Variants in P2RY14 observed in about 807,000 individuals in gnomAD.
The protein encoded by P2RY14 is purinergic receptor P2Y14.
In P2RY14, 2 loss-of-function variants were observed where a neutral mutation model predicts 0.9. The observed-to-expected ratio is 2.16, with a 90% CI of 0.88 to 6.79. P2RY14 has a LOEUF of 6.79. Ranked by LOEUF, P2RY14 falls within the 30% of genes most tolerant of loss-of-function variation. P2RY14 has a pLI of 0.05. For synonymous variants in P2RY14, 158 were observed against 147.2 expected (o/e 1.07, Z -0.53); for missense variants, 378 against 400.1 (o/e 0.94, Z 0.47).
rs182884078 is a variant in P2RY14 at position 151,213,495 on chromosome 3, C to T, written c.822G>A (p.Arg274=). The change falls in exon 3 of 3, where the codon CGG becomes CGA. Residue 274 remains arginine (R), a synonymous_variant. Coordinates refer to ENST00000309170, the MANE Select transcript of P2RY14 (RefSeq NM_014879.4). ...HYSCQSKEIL[R]YMKEFTLLLS... is the part of the protein sequence containing the mutation. The stretch of plus-strand genomic sequence containing the variant: ...GTAGCAGAGTGAATTCTTTCATATA[C>T]CGCAAGATTTCTTTTGACTGGCAGC... 1.2e-6 allele frequency: 2 copies of T among 1,614,084 alleles called. No individual in the cohort carries two copies. The highest frequency in any genetic ancestry group is 1.7e-6 in the Non-Finnish European group (2 of 1,179,970).
chr3:151,225,678 C>T (rs192023511), intron 1 of P2RY14, among the ~76,000 whole-genome samples: 21 of 152,248 alleles, frequency 1.4e-4, no homozygotes, highest in Non-Finnish European at 2.2e-4. Context: ...CACTCTTGTC[C>T]GTGCCCTGTC....
At chr3:151,270,241 G>GTGTGTGTGTGTT (rs1247181043) in intron 1 of P2RY14, 8 of 157,022 alleles carry the variant, frequency 5.1e-5, no homozygotes, top group African/African-American at 7.4e-5. Context: ...GTGTGTGTGT[G>GTGTGTGTGTGTT]TTTTCTTTTG....
At chr3:151,254,992 T>G (rs897204015) in intron 1 of P2RY14, among the ~76,000 whole-genome samples, 2 of 152,210 alleles carry the variant, frequency 1.3e-5, no homozygotes, top group Non-Finnish European at 2.9e-5. Flanking sequence ...TTTTGTAGTT[T>G]TCCCAGAAAC....
intron 2 of P2RY14, among the ~76,000 whole-genome samples, chr3:151,218,577 G>A (rs566448422): frequency 6.6e-6 from 1 of 152,038 alleles, no homozygotes; most frequent in African/African-American, 2.4e-5. Flanking sequence ...TTTTTAAAAA[G>A]GAATACTGTG....
intron 1 of P2RY14, among the ~76,000 whole-genome samples, chr3:151,273,227 C>CTTTTT (rs63035061): frequency 3.8e-5 from 4 of 106,164 alleles, no homozygotes; most frequent in Non-Finnish European, 7.6e-5. Context: ...TTGTTGTGTT[C>CTTTTT]TTTTTTTTTT....
intron 1 of P2RY14, among the ~76,000 whole-genome samples, chr3:151,249,699 A>T (rs914508593): frequency 2.0e-5 from 3 of 151,656 alleles, no homozygotes; most frequent in Non-Finnish European, 4.4e-5. Flanking sequence ...TCTTCGTATT[A>T]CTCCTTGACT....
chr3:151,215,499 A>C (rs142727863), intron 2 of P2RY14, among the ~76,000 whole-genome samples: 9 of 152,306 alleles, frequency 5.9e-5, no homozygotes, highest in Non-Finnish European at 1.3e-4. Flanking sequence ...GCTACTAGGA[A>C]ATTTTAAATT....
At chr3:151,239,397 A>T (rs1733615007) in intron 1 of P2RY14, among the ~76,000 whole-genome samples, 1 of 152,194 alleles carries the variant, frequency 6.6e-6, no homozygotes, top group African/African-American at 2.4e-5. Flanking sequence ...ATGGGATTGG[A>T]TTTTCTTCAA....
At chr3:151,278,229 G>T (rs972566702) in intron 1 of P2RY14, 58 bp downstream of exon 1, 2 of 152,192 alleles carry the variant, frequency 1.3e-5, no homozygotes, top group African/African-American at 4.8e-5. Flanking sequence ...AATCTTTTCT[G>T]TTCCCATGCA....
At chr3:151,236,955 A>G (rs1732943684) in intron 1 of P2RY14, among the ~76,000 whole-genome samples, 1 of 151,706 alleles carries the variant, frequency 6.6e-6, no homozygotes, top group African/African-American at 2.4e-5. Context: ...ATTGATGGAC[A>G]TTTGAAAATT....
intron 1 of P2RY14, among the ~76,000 whole-genome samples, chr3:151,232,466 A>G (rs1259937203): frequency 2.6e-5 from 4 of 152,236 alleles, no homozygotes; most frequent in South Asian, 2.1e-4. Context: ...AAATCATCCT[A>G]CCATTAAGAC....
intron 1 of P2RY14, among the ~76,000 whole-genome samples, chr3:151,246,156 G>A (rs1735407649): frequency 6.6e-6 from 1 of 152,146 alleles, no homozygotes; most frequent in Admixed American, 6.5e-5. Context: ...CCATGCTCAT[G>A]GGTAGGAAGA....
At chr3:151,215,811 T>G (rs370252529) in intron 2 of P2RY14, among the ~76,000 whole-genome samples, 1 of 152,338 alleles carries the variant, frequency 6.6e-6, no homozygotes, top group East Asian at 1.9e-4. Flanking sequence ...TGCCTCCTGC[T>G]TCCTCCACCC....
rs762305974 is a variant in P2RY14, at chr3:151,213,957, A to G, written c.360T>C (p.Tyr120=). ...VFFGLISFDR[Y]YKIVKPLWTS... is the part of the protein sequence containing the mutation. ...TCCAAAGAGGCTTTACAATTTTATA[A>G]TATCTGTCAAAGCTGATGAGCCCAA... Residue 120 remains tyrosine, a synonymous_variant, in exon 3 of 3, where the codon TAT becomes TAC. Transcript: ENST00000309170. 2.5e-6 allele frequency: 4 copies of G among 1,614,110 alleles called. No individual in the cohort carries two copies. The highest frequency in any genetic ancestry group is 1.7e-5 in the Admixed American group (1 of 60,016).
intron 1 of P2RY14, among the ~76,000 whole-genome samples, chr3:151,235,551 A>G (rs923042793): frequency 1.3e-5 from 2 of 152,088 alleles, no homozygotes; most frequent in Non-Finnish European, 2.9e-5. Context: ...TAAAAATACA[A>G]AAATTAGCTG....
chr3:151,253,671 G>A (rs1407558836), intron 1 of P2RY14, among the ~76,000 whole-genome samples: 1 of 152,072 alleles, frequency 6.6e-6, no homozygotes, highest in Non-Finnish European at 1.5e-5. Context: ...GGGTGGGTGG[G>A]TATTTTGCTG....
chr3:151,232,873 C>T (rs1358148537), intron 1 of P2RY14, among the ~76,000 whole-genome samples: 1 of 152,154 alleles, frequency 6.6e-6, no homozygotes, highest in African/African-American at 2.4e-5. Context: ...CAACAAATCC[C>T]TGTGGCATGA....
chr3:151,219,684 C>T (rs1265248804), intron 1 of P2RY14, 42 bp from the exon 2 acceptor site: 1 of 152,122 alleles, frequency 6.6e-6, no homozygotes, highest in South Asian at 2.1e-4. Flanking sequence ...TAAGTGAGCA[C>T]CTGACTTTTT....
chr3:151,249,789 A>G (rs1346410012), intron 1 of P2RY14, among the ~76,000 whole-genome samples: 1 of 152,126 alleles, frequency 6.6e-6, no homozygotes, highest in East Asian at 1.9e-4. Context: ...TTCTTTAACA[A>G]GTTCTTCCTG....
Sources: allele counts gnomAD v4.1 joint callset (sites outside exome capture counted in the v4.1 genomes callset), GRCh38; gene constraint gnomAD v4.1.1; transcripts MANE v1.5; gene names NCBI Gene and HGNC (gene_info 2026-07-23, HGNC 2026-07-21).